The following FSTL5 variants were observed in gnomAD, a reference collection of about 807,000 sequenced individuals.
FSTL5 encodes follistatin-related protein 5.
In FSTL5, 62 loss-of-function variants were observed where a neutral mutation model predicts 89.1. The observed-to-expected ratio is 0.70, with a 90% CI of 0.57 to 0.86. The LOEUF (loss-of-function observed/expected upper bound fraction) is 0.86. Ranked by LOEUF, FSTL5 falls within the 40% of genes least tolerant of loss-of-function variation. The pLI is 0.00. For synonymous variants in FSTL5, 383 were observed against 346.2 expected (o/e 1.11, Z -1.18); for missense variants, 1,057 against 1,001.6 (o/e 1.06, Z -0.75).
chr4:161,815,334 A>G (rs1439990801), intron 4 of FSTL5, among the ~76,000 whole-genome samples: 4 of 152,070 alleles, frequency 2.6e-5, no homozygotes, highest in Admixed American at 6.5e-5. Context: ...GTATTTTCAA[A>G]TATCTGGAAA....
At chr4:161,658,543 T>C (rs373054820) in intron 6 of FSTL5, among the ~76,000 whole-genome samples, 2 of 152,102 alleles carry the variant, frequency 1.3e-5, no homozygotes, top group East Asian at 3.9e-4. Flanking sequence ...CTCTGTTATA[T>C]ATCACATATG....
chr4:161,867,106 C>T (rs1307117809), intron 4 of FSTL5, among the ~76,000 whole-genome samples: 1 of 151,934 alleles, frequency 6.6e-6, no homozygotes, highest in Non-Finnish European at 1.5e-5. Flanking sequence ...AGTTCAAATT[C>T]CAACTCCCTG....
At chr4:161,942,076 A>G (rs182146063) in intron 3 of FSTL5, among the ~76,000 whole-genome samples, 1 of 152,002 alleles carries the variant, frequency 6.6e-6, no homozygotes, top group Non-Finnish European at 1.5e-5. Context: ...ATATTAGGAA[A>G]TACTTAGAGA....
intron 8 of FSTL5, among the ~76,000 whole-genome samples, chr4:161,586,875 T>C (rs548812757): frequency 6.6e-6 from 1 of 152,334 alleles, no homozygotes; most frequent in East Asian, 1.9e-4. Flanking sequence ...TATTAAAATA[T>C]ATGTTACAAT....
At chr4:162,057,516 A>G (rs954994633) in intron 2 of FSTL5, among the ~76,000 whole-genome samples, 1 of 152,214 alleles carries the variant, frequency 6.6e-6, no homozygotes, top group Non-Finnish European at 1.5e-5. Flanking sequence ...AAAGATTAGT[A>G]TATTTACAAT....
chr4:161,408,624 A>G (rs1731475634), intron 15 of FSTL5, among the ~76,000 whole-genome samples: 1 of 152,182 alleles, frequency 6.6e-6, no homozygotes, highest in African/African-American at 2.4e-5. Flanking sequence ...GATGGCAAGA[A>G]AGCTCATTGA....
intron 6 of FSTL5, among the ~76,000 whole-genome samples, chr4:161,727,346 A>G (rs2126758624): frequency 6.6e-6 from 1 of 152,280 alleles, no homozygotes; most frequent in African/African-American, 2.4e-5. Context: ...GGGAGCCAAA[A>G]TGAGAGAGCA....
At chr4:161,525,109 G>A (rs4529003) in intron 10 of FSTL5, among the ~76,000 whole-genome samples, 9,134 of 151,952 alleles carry the variant, frequency 0.06, 868 homozygotes, top group African/African-American at 0.2. Flanking sequence ...GTCTCATCGC[G>A]CTTTGCTTGT....
chr4:162,062,783 A>T (rs2111286457), intron 2 of FSTL5, among the ~76,000 whole-genome samples: 1 of 151,304 alleles, frequency 6.6e-6, no homozygotes, highest in South Asian at 2.1e-4. Flanking sequence ...ATACTTTCAA[A>T]TTTTTTCATT....
At chr4:161,648,248 G>C (rs576469170) in intron 7 of FSTL5, among the ~76,000 whole-genome samples, 35 of 152,208 alleles carry the variant, frequency 2.3e-4, no homozygotes, top group Admixed American at 2.0e-3. Context: ...CAAAATAAAA[G>C]AGCAAAACTA....
chr4:161,729,903 C>T (rs1279407251), intron 6 of FSTL5, among the ~76,000 whole-genome samples: 4 of 152,182 alleles, frequency 2.6e-5, no homozygotes, highest in Non-Finnish European at 4.4e-5. Context: ...CATCAGTGTA[C>T]TACGTGCCAG....
chr4:162,111,405 C>A lies in FSTL5; in HGVS notation c.-9G>T. 1.3e-6 allele frequency: 2 copies of A among 1,594,234 alleles called. No homozygotes were observed. The highest frequency in any genetic ancestry group is 1.1e-5 in the South Asian group (1 of 87,956). On this transcript the variant is annotated 5_prime_UTR_variant, in exon 2 of 16. Transcript: ENST00000306100. ...GACCAGCACTTAAACATCCTTATTG[C>A]TTTTCACCTGTCAAAATTAAAATTG...
intron 6 of FSTL5, among the ~76,000 whole-genome samples, chr4:161,745,219 C>T (rs1560821590): frequency 6.6e-6 from 1 of 151,970 alleles, no homozygotes; most frequent in Non-Finnish European, 1.5e-5. Flanking sequence ...CAAGTAGTAA[C>T]TTGATGAGTT....
chr4:161,980,918 G>A (rs939143807), intron 3 of FSTL5, among the ~76,000 whole-genome samples: 1 of 151,198 alleles, frequency 6.6e-6, no homozygotes, highest in African/African-American at 2.4e-5. Flanking sequence ...CTGGGGTCAC[G>A]CCCGGCTAAT....
chr4:162,150,302 A>G (rs939741808), intron 1 of FSTL5, among the ~76,000 whole-genome samples: 4 of 152,176 alleles, frequency 2.6e-5, no homozygotes, highest in African/African-American at 9.6e-5. Flanking sequence ...CTTTTGAGCC[A>G]GAGAGAAACA....
intron 2 of FSTL5, among the ~76,000 whole-genome samples, chr4:162,074,083 G>T (rs1486812110): frequency 6.6e-6 from 1 of 151,558 alleles, no homozygotes; most frequent in Admixed American, 6.6e-5. Flanking sequence ...AAGTCAGCTG[G>T]GTTATATATA....
At chr4:162,160,038 C>T (rs888429256) in intron 1 of FSTL5, among the ~76,000 whole-genome samples, 1 of 139,360 alleles carries the variant, frequency 7.2e-6, no homozygotes, top group African/African-American at 2.7e-5. Context: ...CTTTAACTTG[C>T]ATGTTCTAGG....
chr4:161,829,610 C>T (rs537190952), intron 4 of FSTL5, among the ~76,000 whole-genome samples: 68 of 152,060 alleles, frequency 4.5e-4, no homozygotes, highest in African/African-American at 1.6e-3. Flanking sequence ...AAATAGCAAA[C>T]ACTTTGTAAA....
intron 3 of FSTL5, among the ~76,000 whole-genome samples, chr4:161,977,877 T>C (rs1735710159): frequency 6.6e-6 from 1 of 151,978 alleles, no homozygotes; most frequent in South Asian, 2.1e-4. Context: ...TATATGTCAA[T>C]CCAGGGACTG....
Sources: gnomAD v4.1 joint callset for allele counts (sites outside exome capture counted in the v4.1 genomes callset) on GRCh38, gnomAD v4.1.1 for gene constraint, MANE v1.5 for transcripts, NCBI Gene and HGNC (gene_info 2026-07-23, HGNC 2026-07-21) for gene names.